The following PROSER1 variants were observed in gnomAD, a reference collection of about 807,000 sequenced individuals.
The protein encoded by PROSER1 is proline and serine rich 1.
Under a neutral mutation model 71.8 loss-of-function variants are expected in PROSER1, and 36 were observed. That is an observed-to-expected ratio of 0.50 (90% CI 0.38 to 0.66). PROSER1 has a LOEUF of 0.66. Among genes scored for constraint, PROSER1 ranks in the 30% least tolerant of loss-of-function variants. The probability of loss-of-function intolerance (pLI) is 0.00; values close to 1 mark genes in which losing one functional copy is unlikely to be tolerated. For synonymous variants in PROSER1, 490 were observed against 452.4 expected, an observed-to-expected ratio of 1.08 and a Z score of -1.06; for missense variants, 1,107 against 1,135.0, an observed-to-expected ratio of 0.98 and a Z score of 0.35.
chr13:39,025,597 C>T (rs1259611973), intron 6 of PROSER1, among the ~76,000 whole-genome samples: 1 of 152,194 alleles, frequency 6.6e-6, no homozygotes. Flanking sequence ...CTCCTGCCAA[C>T]CACCAACACT....
rs528570248 is a variant in PROSER1, at chr13:39,011,284, G to T, written c.*81C>A. 1.1e-5 allele frequency: 16 copies of T among 1,437,650 alleles called. No individual in the cohort carries two copies. The South Asian group carries it at 2.0e-4, about 18-fold the overall frequency. 89.1% of individuals were successfully genotyped at this position (1,437,650 alleles called of 1,614,324 possible). A position where few individuals can be genotyped will look rare whatever the true frequency, so the allele number is the denominator to read the frequency against. On this transcript the variant is annotated 3_prime_UTR_variant, in exon 13 of 13. Coordinates refer to ENST00000352251, the MANE Select transcript of PROSER1 (RefSeq NM_025138.5). ...ATTCTCATTTTCCGACTTTTGGCCA[G>T]CTTCACATTTGTCAGATTGTTCATT...
intron 5 of PROSER1, among the ~76,000 whole-genome samples, chr13:39,027,550 A>T (rs1296435846): frequency 6.6e-6 from 1 of 152,202 alleles, no homozygotes; most frequent in Non-Finnish European, 1.5e-5. Flanking sequence ...CTGGTAAGGA[A>T]GTTACTGAAG....
chr13:39,031,953 A>G (rs1345252329), intron 2 of PROSER1, among the ~76,000 whole-genome samples: 3 of 152,220 alleles, frequency 2.0e-5, no homozygotes, highest in Non-Finnish European at 2.9e-5. Context: ...AAGTTCTACT[A>G]GACAGCACTG....
intron 6 of PROSER1, among the ~76,000 whole-genome samples, chr13:39,025,940 A>G (rs558639043): frequency 1.3e-5 from 2 of 152,324 alleles, no homozygotes; most frequent in East Asian, 3.9e-4. Context: ...GGAAGGAAAC[A>G]CTGTATGCAA....
At chr13:39,029,239 T>G (rs758384183) in intron 4 of PROSER1, 42 bp downstream of exon 4, 2 of 1,065,828 alleles carry the variant, frequency 1.9e-6, no homozygotes, top group Admixed American at 3.0e-5. Flanking sequence ...TCTACATTTT[T>G]TCCCAAGTAA....
chr13:39,035,715 A>G (rs545862144), intron 1 of PROSER1, among the ~76,000 whole-genome samples: 1 of 152,296 alleles, frequency 6.6e-6, no homozygotes, highest in Admixed American at 6.5e-5. Context: ...ATTATCTATC[A>G]TATAAACTCA....
At chr13:39,029,045 A>G in intron 4 of PROSER1, 1 of 317,078 alleles carries the variant, frequency 3.2e-6, no homozygotes, top group Non-Finnish European at 5.7e-6. Flanking sequence ...CAAAGCAAAT[A>G]ACTGAAATAC....
At chr13:39,011,993 TGG>T in intron 12 of PROSER1, 88 bp downstream of exon 12, 2 of 1,329,050 alleles carry the variant, frequency 1.5e-6, no homozygotes, top group Admixed American at 2.2e-5. Context: ...TTGCCAATGT[TGG>T]GATATCGCAA....
intron 9 of PROSER1, among the ~76,000 whole-genome samples, chr13:39,021,424 A>G (rs1870285381): frequency 6.6e-6 from 1 of 151,960 alleles, no homozygotes; most frequent in Admixed American, 6.6e-5. Flanking sequence ...AAGATCCTTG[A>G]AAAAAAAGTT....
rs35690044 is a variant in PROSER1, at chr13:39,029,248, A to T, written c.275+33T>A. The T allele has an allele frequency of 5.3e-4, 137 of 256,814 alleles. 2 individuals are homozygous for T. The highest frequency in any genetic ancestry group is 2.2e-4 in the Non-Finnish European group (34 of 157,584). 15.9% of individuals were successfully genotyped at this position (256,814 alleles called of 1,614,324 possible). A position where few individuals can be genotyped will look rare whatever the true frequency, so the allele number is the denominator to read the frequency against. On this transcript the variant is annotated intron_variant, in intron 4 of 12. Coordinates refer to ENST00000352251, the MANE Select transcript of PROSER1 (RefSeq NM_025138.5). ...AACGCTTCTACATTTTTTCCCAAGT[A>T]AAAAAAAAAAAAAAAAAAAAAGAAA...
chr13:39,036,710 A>C (rs1413715312), intron 1 of PROSER1, among the ~76,000 whole-genome samples: 1 of 152,224 alleles, frequency 6.6e-6, no homozygotes, highest in African/African-American at 2.4e-5. Flanking sequence ...CTTTAAACTT[A>C]ATGCCACACT....
At chr13:39,026,659 A>G (rs551473166) in intron 5 of PROSER1, among the ~76,000 whole-genome samples, 3 of 152,300 alleles carry the variant, frequency 2.0e-5, no homozygotes, top group African/African-American at 7.2e-5. Context: ...TGTGTAAAAA[A>G]GTGTTTATTA....
chr13:39,031,947 T>A (rs924038024), intron 2 of PROSER1, among the ~76,000 whole-genome samples: 6 of 151,986 alleles, frequency 3.9e-5, no homozygotes, highest in African/African-American at 1.5e-4. Flanking sequence ...CACAAAAAGT[T>A]CTACTAGACA....
chr13:39,015,383 G>A (rs984138347), intron 10 of PROSER1, among the ~76,000 whole-genome samples: 1 of 152,152 alleles, frequency 6.6e-6, no homozygotes, highest in African/African-American at 2.4e-5. Flanking sequence ...GGTAGCTAAT[G>A]TCATAAACAC....
rs150817320 is a variant in PROSER1, at chr13:39,023,219, A to G, written c.565-89T>C. On this transcript the variant is annotated intron_variant, in intron 7 of 12. Transcript: ENST00000352251. ...GTCTTTCAAAATATTTAGTCCTAAT[A>G]TGCTAAAAATGTCCCCGCATATCAT... 6.4e-5 allele frequency: 59 copies of G among 917,974 alleles called. No homozygotes were observed. The East Asian group carries it at 1.4e-3, about 22-fold the overall frequency. 56.9% of individuals were successfully genotyped at this position (917,974 alleles called of 1,614,324 possible).
chr13:39,032,210 CA>C (rs1870878156), intron 2 of PROSER1, among the ~76,000 whole-genome samples: 1 of 152,118 alleles, frequency 6.6e-6, no homozygotes, highest in Non-Finnish European at 1.5e-5. Flanking sequence ...GGCATAAACT[CA>C]AATCATAAAT....
chr13:39,021,162 C>G (rs190064946), intron 9 of PROSER1, among the ~76,000 whole-genome samples: 6 of 152,310 alleles, frequency 3.9e-5, no homozygotes, highest in Admixed American at 3.3e-4. Flanking sequence ...TGCCCTACCT[C>G]TGACAGGCAC....
rs1201573279 is a variant in PROSER1, at chr13:39,011,417, G to A, written c.2783C>T (p.Pro928Leu). 4 of 1,613,992 alleles carry A rather than the reference G, an allele frequency of 2.5e-6. No individual in the cohort carries two copies. Among genetic ancestry groups the A allele is most frequent in the Admixed American group, 1.7e-5 (1 of 60,004 alleles). Residue 928 changes from proline (P) to leucine (L), a missense_variant, in exon 13 of 13, where the codon CCA (proline) becomes CTA (leucine). By Grantham distance (98) the Pro-to-Leu change is moderately conservative. Transcript: ENST00000352251. ...PDGFPSYPSA[P>L]GTPFSLQPSL... is the part of the protein sequence containing the mutation. ...TGGTTGCAAAGAAAATGGTGTTCCT[G>A]GCGCTGAAGGATAACTAGGAAACCC...
In PROSER1 at chr13:39,010,236, G is replaced by C. The variant is rs1043348; in HGVS notation, c.*1129C>G. ...TATACTTAAAAAGTTTGTTCCCTAT[G>C]TTGAAGTAAAATACATTAGCAACAT... On this transcript the variant is annotated 3_prime_UTR_variant, in exon 13 of 13. Transcript: ENST00000352251. The C allele has an allele frequency of 0.092, 14,018 of 152,532 alleles. 778 individuals are homozygous for C. The highest frequency in any genetic ancestry group is 0.14 in the African/African-American group (5,622 of 41,446). The allele number at this position is 152,532 out of a possible 1,614,324, so 9.4% of individuals were successfully genotyped here.
Sources: allele counts gnomAD v4.1 joint callset (sites outside exome capture counted in the v4.1 genomes callset), GRCh38; gene constraint gnomAD v4.1.1; transcripts MANE v1.5; gene names NCBI Gene and HGNC (gene_info 2026-07-23, HGNC 2026-07-21).